IL23R: variants seen among roughly 807,000 people sequenced by gnomAD.
IL23R encodes interleukin 23 receptor.
In IL23R, 34 loss-of-function variants were observed where a neutral mutation model predicts 56.9. The observed-to-expected ratio is 0.60, with a 90% CI of 0.45 to 0.80. The LOEUF (loss-of-function observed/expected upper bound fraction) is 0.80, where lower values mean the gene tolerates loss of function less well. Ranked by LOEUF, IL23R falls within the 30% of genes least tolerant of loss-of-function variation. The pLI is 0.00. For missense variants in IL23R, 635 were observed against 730.0 expected, an observed-to-expected ratio of 0.87 and a Z score of 1.50; for synonymous variants, 230 against 249.2, an observed-to-expected ratio of 0.92 and a Z score of 0.73.
chr1:67,196,786 C>T (rs1422544698), intron 4 of IL23R, among the ~76,000 whole-genome samples: 2 of 152,132 alleles, frequency 1.3e-5, no homozygotes, highest in African/African-American at 4.8e-5. Context: ...TAAAAAAATG[C>T]TTAACCTTCT....
chr1:67,193,500 T>G (rs1345206509), intron 4 of IL23R, among the ~76,000 whole-genome samples: 1 of 152,180 alleles, frequency 6.6e-6, no homozygotes, highest in African/African-American at 2.4e-5. Context: ...ATTATCAACA[T>G]AAATCTGCAA....
At chr1:67,203,644 A>G (rs971371181) in intron 5 of IL23R, among the ~76,000 whole-genome samples, 3 of 152,230 alleles carry the variant, frequency 2.0e-5, no homozygotes, top group African/African-American at 7.2e-5. Context: ...CCACCAGATT[A>G]TTAACAGATG....
intron 7 of IL23R, among the ~76,000 whole-genome samples, chr1:67,222,102 C>CTTTCTTTTTTTTTT (rs1440089182): frequency 1.7e-5 from 1 of 58,898 alleles, no homozygotes; most frequent in Admixed American, 2.8e-4. Flanking sequence ...TTCTTTCTTT[C>CTTTCTTTTTTTTTT]TTTTTTTTTT....
At chr1:67,204,279 G>A (rs1331737563) in intron 5 of IL23R, among the ~76,000 whole-genome samples, 1 of 152,054 alleles carries the variant, frequency 6.6e-6, no homozygotes, top group Non-Finnish European at 1.5e-5. Context: ...TAGCCAGGAT[G>A]GTCTCGATCT....
chr1:67,144,644 A>G (rs977773955), intron 1 of IL23R, among the ~76,000 whole-genome samples: 15 of 152,218 alleles, frequency 9.9e-5, no homozygotes, highest in Non-Finnish European at 2.2e-4. Flanking sequence ...ATACTCTGTC[A>G]AAGTCCTCCT....
At chr1:67,255,727 C>T (rs529278118) in intron 9 of IL23R, 110 bp from the exon 10 acceptor site, 6 of 641,104 alleles carry the variant, frequency 9.4e-6, no homozygotes, top group Non-Finnish European at 1.7e-5. Flanking sequence ...GCATGAGCCA[C>T]TGTGCCCGAC....
chr1:67,250,708 A>G (rs1652549503), intron 9 of IL23R, among the ~76,000 whole-genome samples: 1 of 152,150 alleles, frequency 6.6e-6, no homozygotes, highest in African/African-American at 2.4e-5. Context: ...ATTTTTCTTT[A>G]AGCCAATTAC....
intron 7 of IL23R, among the ~76,000 whole-genome samples, chr1:67,226,539 C>T (rs1025336032): frequency 2.3e-4 from 35 of 152,174 alleles, no homozygotes; most frequent in African/African-American, 7.7e-4. Context: ...AGCCATTCTG[C>T]CATTCTTCTG....
At chr1:67,220,835 C>A (rs1570877054) in intron 7 of IL23R, among the ~76,000 whole-genome samples, 1 of 152,208 alleles carries the variant, frequency 6.6e-6, no homozygotes, top group African/African-American at 2.4e-5. Context: ...GCCTCCTGGG[C>A]TCAAGCAATC....
At chr1:67,238,419 C>A (rs1421660721) in intron 8 of IL23R, among the ~76,000 whole-genome samples, 1 of 151,718 alleles carries the variant, frequency 6.6e-6, no homozygotes, top group East Asian at 1.9e-4. Flanking sequence ...AATTATCAAT[C>A]AATTGCAAGC....
intron 6 of IL23R, 96 bp from the exon 7 acceptor site, chr1:67,219,478 G>A: frequency 2.6e-6 from 3 of 1,174,040 alleles, no homozygotes; most frequent in Non-Finnish European, 2.5e-6. Context: ...CTAGAAGACA[G>A]CTTGGAACAT....
intron 6 of IL23R, among the ~76,000 whole-genome samples, chr1:67,215,115 G>C (rs552531065): frequency 6.6e-6 from 1 of 152,056 alleles, no homozygotes; most frequent in African/African-American, 2.4e-5. Context: ...TTGTGCATTC[G>C]GGGAGCTCGG....
intron 1 of IL23R, among the ~76,000 whole-genome samples, chr1:67,155,941 A>G (rs1469285730): frequency 2.6e-5 from 4 of 152,144 alleles, no homozygotes. Context: ...TCTACCTTTC[A>G]TCTTTGAAGC....
chr1:67,207,151 G>A (rs746194905), intron 6 of IL23R, 96 bp downstream of exon 6: 1 of 1,258,704 alleles, frequency 7.9e-7, no homozygotes, highest in Non-Finnish European at 1.2e-6. Context: ...TATTTTACAT[G>A]TTTTTAATCT....
At chr1:67,230,291 C>T (rs992295306) in intron 7 of IL23R, among the ~76,000 whole-genome samples, 2 of 152,152 alleles carry the variant, frequency 1.3e-5, no homozygotes, top group Non-Finnish European at 1.5e-5. Context: ...TTTTAGGATG[C>T]CCACAAAGAA....
intron 2 of IL23R, 117 bp downstream of exon 2, chr1:67,168,307 G>GA (rs1646898241): frequency 1.2e-5 from 10 of 823,952 alleles, no homozygotes; most frequent in Admixed American, 3.7e-5. Flanking sequence ...TATTAGACTA[G>GA]AAAAAATGTG....
intron 1 of IL23R, among the ~76,000 whole-genome samples, chr1:67,141,670 A>G (rs1428164318): frequency 2.0e-5 from 3 of 152,102 alleles, no homozygotes; most frequent in Non-Finnish European, 2.9e-5. Context: ...AGGTAGAAGG[A>G]TCCCTTGAGC....
intron 7 of IL23R, among the ~76,000 whole-genome samples, chr1:67,224,398 C>T (rs923488334): frequency 2.0e-5 from 3 of 152,218 alleles, no homozygotes; most frequent in African/African-American, 7.2e-5. Context: ...GGCAGTAATG[C>T]CTCTTCCAAG....
intron 4 of IL23R, among the ~76,000 whole-genome samples, chr1:67,188,292 A>G (rs1647493604): frequency 6.6e-6 from 1 of 152,140 alleles, no homozygotes. Flanking sequence ...AAAAGTGGTA[A>G]AGAGCAAAGG....
Sources: allele counts gnomAD v4.1 joint callset (sites outside exome capture counted in the v4.1 genomes callset), GRCh38; gene constraint gnomAD v4.1.1; transcripts MANE v1.5; gene names NCBI Gene and HGNC (gene_info 2026-07-23, HGNC 2026-07-21).